PEX14: variants seen among roughly 807,000 people sequenced by gnomAD.
PEX14 encodes peroxisomal biogenesis factor 14.
Under a neutral mutation model 49.5 loss-of-function variants are expected in PEX14, and 15 were observed. The ratio of observed to expected loss-of-function variants is 0.30; its 90% CI spans 0.20 to 0.47. The LOEUF is 0.47. PEX14 is among the 20% of genes least tolerant of loss of function. PEX14 has a pLI of 1.00. For missense variants in PEX14, 398 were observed against 494.8 expected (o/e 0.80, Z 1.86); for synonymous variants, 210 against 212.7 (o/e 0.99, Z 0.11).
At chr1:10,590,452 T>C (rs2387145) in intron 3 of PEX14, among the ~76,000 whole-genome samples, 147,853 of 152,284 alleles carry the variant, frequency 0.97, 71,933 homozygotes, top group East Asian at 1. Flanking sequence ...GTTGACATTT[T>C]GTTATCAATA....
At chr1:10,493,783 A>C (rs1641510837) in intron 1 of PEX14, among the ~76,000 whole-genome samples, 1 of 152,176 alleles carries the variant, frequency 6.6e-6, no homozygotes, top group Admixed American at 6.5e-5. Flanking sequence ...AGGGAGAAAG[A>C]GCTGTCTCAA....
chr1:10,546,800 C>T (rs1033512556), intron 3 of PEX14, among the ~76,000 whole-genome samples: 7 of 151,100 alleles, frequency 4.6e-5, no homozygotes, highest in Middle Eastern at 3.4e-3. Context: ...ACCCGGGAGG[C>T]GGAGGTTGCA....
intron 3 of PEX14, among the ~76,000 whole-genome samples, chr1:10,551,870 G>A (rs1372727724): frequency 6.6e-6 from 1 of 152,060 alleles, no homozygotes; most frequent in African/African-American, 2.4e-5. Flanking sequence ...ACTTAGGGAG[G>A]CTGAGGCAGG....
chr1:10,596,607 G>T (rs76171011), intron 3 of PEX14, among the ~76,000 whole-genome samples: 2,811 of 152,230 alleles, frequency 0.018, 59 homozygotes, highest in East Asian at 0.11. Flanking sequence ...AAGAGGGAGA[G>T]CCTTGAGTGC....
At chr1:10,537,553 C>T (rs971263281) in intron 3 of PEX14, among the ~76,000 whole-genome samples, 4 of 152,130 alleles carry the variant, frequency 2.6e-5, no homozygotes, top group African/African-American at 7.2e-5. Context: ...GCTGATTACC[C>T]GGGGTAACCT....
At chr1:10,498,197 T>C (rs1366467816) in intron 2 of PEX14, among the ~76,000 whole-genome samples, 1 of 152,172 alleles carries the variant, frequency 6.6e-6, no homozygotes, top group Non-Finnish European at 1.5e-5. Flanking sequence ...AGAGGATTGC[T>C]TGAGCTCAGG....
intron 4 of PEX14, among the ~76,000 whole-genome samples, chr1:10,608,634 C>T (rs753895664): frequency 6.7e-6 from 1 of 149,438 alleles, no homozygotes; most frequent in African/African-American, 2.5e-5. Flanking sequence ...TGCATTCCAG[C>T]CTGGGTGACA....
rs1193418278 is a variant in PEX14 at position 10,512,238 on chromosome 1, G to A, written c.84+16917G>A. 6.6e-6 allele frequency among the ~76,000 whole-genome samples: 1 copy of A among 152,176 alleles called. No homozygotes were observed. The highest frequency in any genetic ancestry group is 1.5e-5 in the Non-Finnish European group (1 of 68,030). Reference sequence around the variant, plus strand: ...CTCCCAAAGTGCTGAGATTACAGACGTGAGCCACCGTGCCTGGCCCAAGTC... The same window carrying A: ...CTCCCAAAGTGCTGAGATTACAGACATGAGCCACCGTGCCTGGCCCAAGTC... On this transcript the variant is annotated intron_variant, in intron 2 of 8. Transcript: ENST00000356607. This position sits in a 1 kb window ranked among gnomAD's most constrained non-coding sequence, Gnocchi z 4.6.
chr1:10,503,281 CAAAAAAAAAAAAA>C (rs59342388), intron 2 of PEX14, among the ~76,000 whole-genome samples: 4 of 75,490 alleles, frequency 5.3e-5, no homozygotes, highest in South Asian at 6.0e-4. Flanking sequence ...GACTCTGTCT[CAAAAAAAAAAAAA>C]AAAAAAAAAA....
intron 3 of PEX14, among the ~76,000 whole-genome samples, chr1:10,576,004 A>C (rs1421314633): frequency 6.6e-6 from 1 of 152,218 alleles, no homozygotes; most frequent in East Asian, 1.9e-4. Flanking sequence ...GATTAGTAAC[A>C]GTTGAGCTTT....
intron 3 of PEX14, among the ~76,000 whole-genome samples, chr1:10,587,920 T>TAA (rs1290613528): frequency 0.28 from 17,899 of 64,476 alleles, 3,698 homozygotes; most frequent in South Asian, 0.4. Context: ...TTTTTTTTTT[T>TAA]AAAAAAAAAA....
chr1:10,494,992 A>G lies in PEX14; in HGVS notation c.37-282A>G. On this transcript the variant is annotated intron_variant, in intron 1 of 8. Coordinates refer to ENST00000356607, the MANE Select transcript of PEX14 (RefSeq NM_004565.3). This position sits in a 1 kb window ranked among gnomAD's most constrained non-coding sequence, Gnocchi z 4.3. ...GGATGGTCCCCAGCCCTTGCTGCTC[A>G]GTAGGTGATCGTGGGCCTTCCTGAG... The G allele has an allele frequency of 2.3e-6, 1 of 441,006 alleles. No homozygotes were observed. The highest frequency in any genetic ancestry group is 9.6e-5 in the South Asian group (1 of 10,446). The allele number at this position is 441,006 out of a possible 1,614,324, so 27.3% of individuals were successfully genotyped here.
intron 2 of PEX14, among the ~76,000 whole-genome samples, chr1:10,501,492 G>A (rs1464364698): frequency 3.9e-5 from 6 of 152,016 alleles, no homozygotes; most frequent in Non-Finnish European, 8.8e-5. Flanking sequence ...TAGTAGAGAC[G>A]GGGTTTCACC....
intron 4 of PEX14, among the ~76,000 whole-genome samples, chr1:10,605,984 G>C (rs574352904): frequency 6.6e-6 from 1 of 152,186 alleles, no homozygotes; most frequent in African/African-American, 2.4e-5. Context: ...GGAAGGAACC[G>C]AAATGAAGTG....
At chr1:10,596,958 C>T (rs1485584583) in intron 3 of PEX14, among the ~76,000 whole-genome samples, 4 of 152,168 alleles carry the variant, frequency 2.6e-5, no homozygotes, top group East Asian at 1.9e-4. Flanking sequence ...GGCTCGGCTG[C>T]GATAATGCAA....
At chr1:10,593,886 A>G (rs1294676654) in intron 3 of PEX14, among the ~76,000 whole-genome samples, 2 of 152,190 alleles carry the variant, frequency 1.3e-5, no homozygotes, top group African/African-American at 2.4e-5. Flanking sequence ...TCATGCCCCA[A>G]TGAGAAGAGC....
At chr1:10,536,678 T>C (rs1408813573) in intron 3 of PEX14, 1 of 243,668 alleles carries the variant, frequency 4.1e-6, no homozygotes, top group Non-Finnish European at 8.2e-6. Context: ...CAATAGAGAA[T>C]GAGGGAGAAA....
chr1:10,536,618 A>G lies in PEX14; in HGVS notation c.169+321A>G, dbSNP rs191220891. On this transcript the variant is annotated intron_variant, in intron 3 of 8. Coordinates refer to ENST00000356607, the MANE Select transcript of PEX14 (RefSeq NM_004565.3). The stretch of plus-strand genomic sequence containing the variant: ...TCTGGTTTTTGGTCTGCTCTGTGTC[A>G]GTGACCCTGGCTGCAGGATGACTAG... 1.2e-3 allele frequency: 411 copies of G among 345,994 alleles called. 2 individuals are homozygous for G. Among genetic ancestry groups the G allele is most frequent in the South Asian group, 3.3e-3 (112 of 33,474 alleles). The allele number at this position is 345,994 out of a possible 1,614,324, so 21.4% of individuals were successfully genotyped here.
At chr1:10,604,059 T>C (rs1410114442) in intron 4 of PEX14, among the ~76,000 whole-genome samples, 1 of 152,250 alleles carries the variant, frequency 6.6e-6, no homozygotes, top group African/African-American at 2.4e-5. Flanking sequence ...GAATGCCTAC[T>C]GTGTGCCAGA....
Sources: gnomAD v4.1 joint callset for allele counts (sites outside exome capture counted in the v4.1 genomes callset) on GRCh38, gnomAD v4.1.1 for gene constraint, Gnocchi (gnomAD v3.1) non-coding constraint, MANE v1.5 for transcripts, NCBI Gene and HGNC (gene_info 2026-07-23, HGNC 2026-07-21) for gene names.